The following SLC2A9 variants were observed in gnomAD, a reference collection of about 807,000 sequenced individuals.
SLC2A9 encodes the protein solute carrier family 2, facilitated glucose transporter member 9.
SLC2A9 carries 39 observed loss-of-function variants against 50.6 expected under a neutral mutation model. The ratio of observed to expected loss-of-function variants is 0.77; its 90% CI spans 0.60 to 1.01. SLC2A9 has a LOEUF of 1.01. Ranked by LOEUF, SLC2A9 falls within the 50% of genes least tolerant of loss-of-function variation. SLC2A9 has a pLI of 0.00. For missense variants in SLC2A9, 686 were observed against 677.6 expected, an observed-to-expected ratio of 1.01 and a Z score of -0.14; for synonymous variants, 324 against 276.9, an observed-to-expected ratio of 1.17 and a Z score of -1.69.
At chr4:9,874,993 CGTCT>C (rs1253717168) in intron 10 of SLC2A9, among the ~76,000 whole-genome samples, 3 of 18,998 alleles carry the variant, frequency 1.6e-4, no homozygotes, top group African/African-American at 4.6e-4. Flanking sequence ...CATAGGTTAG[CGTCT>C]GTCTAAGATG....
At chr4:10,014,141 G>A (rs1762224025) in intron 2 of SLC2A9, among the ~76,000 whole-genome samples, 1 of 152,068 alleles carries the variant, frequency 6.6e-6, no homozygotes, top group Non-Finnish European at 1.5e-5. Context: ...TTCCTTAGAG[G>A]CTCTGCTCTG....
upstream of SLC2A9, among the ~76,000 whole-genome samples, chr4:10,022,317 C>A (rs1433515179): frequency 6.6e-6 from 1 of 152,252 alleles, no homozygotes; most frequent in Admixed American, 6.5e-5. Context: ...TGTGGGCTCT[C>A]CTGTAGCCTA....
intron 11 of SLC2A9, among the ~76,000 whole-genome samples, chr4:9,828,267 T>C (rs904908853): frequency 1.3e-5 from 2 of 152,256 alleles, no homozygotes; most frequent in Non-Finnish European, 2.9e-5. Context: ...ATCACTTCTA[T>C]TGTAACCTAA....
intron 5 of SLC2A9, among the ~76,000 whole-genome samples, chr4:9,952,626 T>C (rs1447372226): frequency 6.6e-6 from 1 of 151,754 alleles, no homozygotes; most frequent in Non-Finnish European, 1.5e-5. Context: ...CCCAACCTCC[T>C]AGGCTCCTCC....
Position 9,976,275 on chromosome 4 carries a change from T to A in SLC2A9, c.681+4317A>T, listed in dbSNP as rs182996926. Among the ~76,000 whole-genome samples the A allele has an allele frequency of 5.5e-3, 845 of 152,284 alleles. 5 individuals carry two copies. Among genetic ancestry groups the A allele is most frequent in the Non-Finnish European group, 6.7e-3 (454 of 68,000 alleles). ...ATAAAAGTTGAAGTCATAAAATAAA[T>A]AAATAGCTACCTTCTTGCTAACCCT... is the stretch of plus-strand genomic sequence containing the variant. On this transcript the variant is annotated intron_variant, in intron 5 of 11. Coordinates refer to ENST00000264784, the MANE Select transcript of SLC2A9 (RefSeq NM_020041.3).
chr4:9,950,174 C>G (rs1017144107), intron 5 of SLC2A9, among the ~76,000 whole-genome samples: 2 of 152,142 alleles, frequency 1.3e-5, no homozygotes, highest in African/African-American at 4.8e-5. Context: ...ATATGTTGTT[C>G]TAGAATTGCT....
At chr4:10,022,029 G>A (rs1763547033), upstream of SLC2A9, among the ~76,000 whole-genome samples, 1 of 152,086 alleles carries the variant, frequency 6.6e-6, no homozygotes, top group African/African-American at 2.4e-5. Context: ...AGTAGAGACT[G>A]TGTTTCACCA....
intron 4 of SLC2A9, among the ~76,000 whole-genome samples, chr4:9,983,286 C>G (rs930754075): frequency 2.0e-5 from 3 of 152,298 alleles, no homozygotes; most frequent in East Asian, 3.9e-4. Flanking sequence ...ATTTGTACCC[C>G]CTCCCTGGAT....
chr4:9,825,174 GTTT>G (rs1724933800), downstream of SLC2A9, among the ~76,000 whole-genome samples: 1 of 152,152 alleles, frequency 6.6e-6, no homozygotes, highest in African/African-American at 2.4e-5. Context: ...TTTAGGACAC[GTTT>G]TTTCATTTTA....
chr4:9,782,243 C>A, intron 3 of SLC2A9: 4 of 1,613,482 alleles, frequency 2.5e-6, no homozygotes, highest in South Asian at 1.1e-5. Context: ...CCGCCACCTG[C>A]GCGCCAACAT....
At chr4:9,945,129 G>T (rs1414488109) in intron 5 of SLC2A9, among the ~76,000 whole-genome samples, 1 of 152,232 alleles carries the variant, frequency 6.6e-6, no homozygotes, top group African/African-American at 2.4e-5. Flanking sequence ...CCCTTACTGA[G>T]CAGGGGCTTG....
chr4:9,837,788 G>A (rs576390317), intron 10 of SLC2A9, among the ~76,000 whole-genome samples: 81 of 152,304 alleles, frequency 5.3e-4, no homozygotes, highest in Non-Finnish European at 1.1e-3. Context: ...TTCAGACCAA[G>A]CCCTAAGCAA....
rs142425831 is a variant in SLC2A9, at chr4:9,784,701, T to C, written n.386-4636A>G. On this transcript the variant is annotated intron_variant and non_coding_transcript_variant, in intron 3 of 3. Transcript: ENST00000503803. ...CTGCAGTGTGCACAGCCAAGGGGAG[T>C]GTTTTATTCCAGACCCACACCAGTT... Among the ~76,000 whole-genome samples, 1,406 of 152,086 alleles carry C rather than the reference T, an allele frequency of 9.2e-3. 30 individuals are homozygous for C. The highest frequency in any genetic ancestry group is 0.032 in the African/African-American group (1,324 of 41,472).
chr4:9,852,266 G>A (rs1401229424), intron 10 of SLC2A9, among the ~76,000 whole-genome samples: 2 of 144,084 alleles, frequency 1.4e-5, no homozygotes, highest in Admixed American at 1.4e-4. Flanking sequence ...TTTTTTTTGA[G>A]ACGGAGTCTC....
chr4:9,801,916 G>T (rs544772779), intron 3 of SLC2A9, among the ~76,000 whole-genome samples: 1 of 152,328 alleles, frequency 6.6e-6, no homozygotes, highest in African/African-American at 2.4e-5. Context: ...ATCTAACTCA[G>T]GGGATCACTT....
intron 10 of SLC2A9, among the ~76,000 whole-genome samples, chr4:9,884,540 T>G (rs1306051784): frequency 6.6e-6 from 1 of 152,058 alleles, no homozygotes; most frequent in Non-Finnish European, 1.5e-5. Flanking sequence ...TGTGCAACAG[T>G]GTATTTGTTG....
chr4:9,997,064 T>A, intron 2 of SLC2A9, 123 bp from the exon 3 acceptor site: 1 of 1,149,012 alleles, frequency 8.7e-7, no homozygotes, highest in Non-Finnish European at 1.3e-6. Context: ...TGCTAATTTG[T>A]TTGAGCTTTA....
At chr4:9,887,307 G>A (rs1376189658) in intron 10 of SLC2A9, among the ~76,000 whole-genome samples, 9 of 152,194 alleles carry the variant, frequency 5.9e-5, no homozygotes, top group East Asian at 5.8e-4. Context: ...GAGCCCTCCC[G>A]CGTATGAACT....
At chr4:9,785,518 T>G (rs1719104866) in intron 3 of SLC2A9, among the ~76,000 whole-genome samples, 1 of 152,252 alleles carries the variant, frequency 6.6e-6, no homozygotes, top group African/African-American at 2.4e-5. Flanking sequence ...CTGGAAGTTT[T>G]TACAATATTC....
Sources: allele counts gnomAD v4.1 joint callset (sites outside exome capture counted in the v4.1 genomes callset), GRCh38; gene constraint gnomAD v4.1.1; transcripts MANE v1.5; gene names NCBI Gene and HGNC (gene_info 2026-07-23, HGNC 2026-07-21).